CNTN5: variants seen among roughly 807,000 people sequenced by gnomAD.
CNTN5 encodes the protein contactin-5.
In CNTN5, 77 loss-of-function variants were observed where a neutral mutation model predicts 129.1. That is an observed-to-expected ratio of 0.60 (90% CI 0.50 to 0.72). CNTN5 has a LOEUF of 0.72. Among genes scored for constraint, CNTN5 ranks in the 30% least tolerant of loss-of-function variants. The pLI, the probability that CNTN5 is intolerant of heterozygous loss-of-function variation, is 0.00. For missense variants in CNTN5, 1,478 were observed against 1,328.8 expected, an observed-to-expected ratio of 1.11 and a Z score of -1.75; for synonymous variants, 509 against 465.6, an observed-to-expected ratio of 1.09 and a Z score of -1.20.
chr11:99,510,542 C>A (rs1946796205), intron 2 of CNTN5, among the ~76,000 whole-genome samples: 1 of 152,118 alleles, frequency 6.6e-6, no homozygotes, highest in African/African-American at 2.4e-5. Context: ...TATACACATT[C>A]ATACAAAATA....
intron 7 of CNTN5, among the ~76,000 whole-genome samples, chr11:99,930,292 G>A (rs1434969250): frequency 2.6e-5 from 4 of 152,142 alleles, no homozygotes; most frequent in African/African-American, 9.7e-5. Flanking sequence ...CTGCCATTTT[G>A]TCTCTTACTG....
chr11:99,264,952 A>C (rs770064743), intron 1 of CNTN5, among the ~76,000 whole-genome samples: 8 of 152,048 alleles, frequency 5.3e-5, no homozygotes, highest in Non-Finnish European at 8.8e-5. Context: ...CTTTGAATGT[A>C]CTGAAGATCC....
chr11:99,982,172 G>T (rs1019392513), intron 8 of CNTN5, among the ~76,000 whole-genome samples: 1 of 152,138 alleles, frequency 6.6e-6, no homozygotes, highest in Admixed American at 6.5e-5. Context: ...AATGACTAAA[G>T]CTATTTAGAA....
chr11:100,004,177 A>G (rs1940053366), intron 9 of CNTN5, among the ~76,000 whole-genome samples: 1 of 152,178 alleles, frequency 6.6e-6, no homozygotes, highest in African/African-American at 2.4e-5. Flanking sequence ...CAAAAACTTC[A>G]GTATCTGTCA....
At chr11:100,306,195 G>T (rs1440689603) in intron 20 of CNTN5, among the ~76,000 whole-genome samples, 1 of 151,628 alleles carries the variant, frequency 6.6e-6, no homozygotes, top group Non-Finnish European at 1.5e-5. Flanking sequence ...GTATGACCCT[G>T]ATTTAAAATC....
chr11:99,164,042 A>G (rs1243970292), intron 1 of CNTN5, among the ~76,000 whole-genome samples: 1 of 152,192 alleles, frequency 6.6e-6, no homozygotes, highest in Admixed American at 6.5e-5. Flanking sequence ...ATGTGTTGCA[A>G]TTGGGCAGGG....
intron 24 of CNTN5, among the ~76,000 whole-genome samples, chr11:100,353,748 A>G (rs1017037655): frequency 6.6e-6 from 1 of 151,602 alleles, no homozygotes; most frequent in Non-Finnish European, 1.5e-5. Flanking sequence ...AAGTTCTAGT[A>G]GTGTATTAGC....
chr11:99,242,221 G>C (rs184251145), intron 1 of CNTN5, among the ~76,000 whole-genome samples: 1 of 152,174 alleles, frequency 6.6e-6, no homozygotes, highest in East Asian at 1.9e-4. Flanking sequence ...TTGCTTCAAA[G>C]AAAAACATTG....
At chr11:99,650,349 A>G (rs1157246449) in intron 3 of CNTN5, among the ~76,000 whole-genome samples, 1 of 151,838 alleles carries the variant, frequency 6.6e-6, no homozygotes, top group African/African-American at 2.4e-5. Context: ...AACTCTAAGC[A>G]AGTGGAGTTA....
intron 9 of CNTN5, among the ~76,000 whole-genome samples, chr11:100,047,824 A>G (rs906359411): frequency 2.9e-5 from 4 of 137,050 alleles, no homozygotes; most frequent in African/African-American, 1.2e-4. Context: ...TTGAGGACAC[A>G]GATAGAATTT....
intron 1 of CNTN5, among the ~76,000 whole-genome samples, chr11:99,184,561 G>T (rs1386716816): frequency 1.3e-5 from 2 of 151,924 alleles, no homozygotes; most frequent in African/African-American, 2.4e-5. Context: ...TAACATATTT[G>T]CCCTCTAGCT....
chr11:99,090,606 G>A (rs1866199039), intron 1 of CNTN5, among the ~76,000 whole-genome samples: 1 of 149,640 alleles, frequency 6.7e-6, no homozygotes, highest in African/African-American at 2.5e-5. Flanking sequence ...CTGTATTAAG[G>A]ATCTTAGTTA....
intron 23 of CNTN5, among the ~76,000 whole-genome samples, chr11:100,344,918 A>G (rs887332109): frequency 6.6e-6 from 1 of 151,982 alleles, no homozygotes; most frequent in African/African-American, 2.4e-5. Flanking sequence ...TTTTCCATGG[A>G]ATATAATAAG....
intron 6 of CNTN5, among the ~76,000 whole-genome samples, chr11:99,866,168 G>A (rs2135789871): frequency 6.6e-6 from 1 of 152,242 alleles, no homozygotes; most frequent in African/African-American, 2.4e-5. Flanking sequence ...CAAGTGACTT[G>A]TCACGAATGG....
At chr11:99,815,583 T>C (rs542010516) in intron 3 of CNTN5, among the ~76,000 whole-genome samples, 34 of 152,280 alleles carry the variant, frequency 2.2e-4, no homozygotes, top group Admixed American at 9.1e-4. Flanking sequence ...TTCCAGACCA[T>C]GTCCAGATCT....
chr11:100,042,010 G>A (rs1228773037), intron 9 of CNTN5, among the ~76,000 whole-genome samples: 1 of 152,052 alleles, frequency 6.6e-6, no homozygotes, highest in Non-Finnish European at 1.5e-5. Context: ...ATCCCTGAAG[G>A]CCAATTATTC....
chr11:99,124,190 A>G (rs949954759), intron 1 of CNTN5, among the ~76,000 whole-genome samples: 1 of 151,916 alleles, frequency 6.6e-6, no homozygotes, highest in Non-Finnish European at 1.5e-5. Context: ...TATTTGTGTC[A>G]TCTTTGATTT....
chr11:99,036,520 T>G, intron 1 of CNTN5, among the ~76,000 whole-genome samples: 1 of 152,162 alleles, frequency 6.6e-6, no homozygotes, highest in East Asian at 1.9e-4. Context: ...TCTATCAATT[T>G]ATTTCTCATA....
intron 1 of CNTN5, among the ~76,000 whole-genome samples, chr11:99,211,067 AC>A (rs1859751652): frequency 1.3e-5 from 2 of 152,154 alleles, no homozygotes. Context: ...CATCACTGTC[AC>A]CTAAAGCTCT....
Sources: allele counts gnomAD v4.1 joint callset (sites outside exome capture counted in the v4.1 genomes callset), GRCh38; gene constraint gnomAD v4.1.1; transcripts MANE v1.5; gene names NCBI Gene and HGNC (gene_info 2026-07-23, HGNC 2026-07-21).